The following OMA1 variants were observed in gnomAD, a reference collection of about 807,000 sequenced individuals.
OMA1 encodes metalloendopeptidase OMA1, mitochondrial.
In OMA1, 38 loss-of-function variants were observed where a neutral mutation model predicts 30.9. That is an observed-to-expected ratio of 1.23 (90% confidence interval 0.95 to 1.61). OMA1 has a LOEUF of 1.61. Among genes scored for constraint, OMA1 ranks in the 40% most tolerant of loss-of-function variants. OMA1 has a pLI of 0.00. For synonymous variants in OMA1, 173 were observed against 121.9 expected (o/e 1.42, Z -2.76); for missense variants, 461 against 349.2 (o/e 1.32, Z -2.55).
At chr1:58,513,633 G>T (rs1378594221) in intron 7 of OMA1, among the ~76,000 whole-genome samples, 1 of 152,120 alleles carries the variant, frequency 6.6e-6, no homozygotes, top group Non-Finnish European at 1.5e-5. Context: ...CTAAGATAAT[G>T]GAGAGACTAC....
rs753024437 is a variant in OMA1 at position 58,530,560 on chromosome 1, C to T, written c.1140+41G>A. 2.0e-5 allele frequency: 17 copies of T among 835,328 alleles called. No individual in the cohort carries two copies. In the East Asian group the frequency reaches 4.1e-4, roughly 20 times the overall value. The allele number at this position is 835,328 out of a possible 1,614,324, so 51.7% of individuals were successfully genotyped here. A position where few individuals can be genotyped will look rare whatever the true frequency, so the allele number is the denominator to read the frequency against. On this transcript the variant is annotated intron_variant, in intron 6 of 8. Transcript: ENST00000371226. Reference sequence around the variant, plus strand: ...TTACAGTAGTATTAAAATATCTTCACCAGAGGCTATGATCAATTCAAGTTA... The same window carrying T: ...TTACAGTAGTATTAAAATATCTTCATCAGAGGCTATGATCAATTCAAGTTA...
At chr1:58,513,291 A>C (rs183749233) in intron 7 of OMA1, among the ~76,000 whole-genome samples, 62 of 152,270 alleles carry the variant, frequency 4.1e-4, no homozygotes, top group South Asian at 1.9e-3. Flanking sequence ...CATGATTATA[A>C]GTTTCCTGAG....
intron 8 of OMA1, among the ~76,000 whole-genome samples, chr1:58,498,236 A>C (rs558733135): frequency 2.6e-5 from 4 of 151,860 alleles, no homozygotes; most frequent in Admixed American, 2.0e-4. Context: ...GGTAAAACTA[A>C]AAGTTAAAAA....
chr1:58,484,321 G>GT (rs1645538582), intron 8 of OMA1, among the ~76,000 whole-genome samples: 1 of 152,194 alleles, frequency 6.6e-6, no homozygotes, highest in South Asian at 2.1e-4. Flanking sequence ...GATATGTGAA[G>GT]TCTAACACCC....
chr1:58,531,571 ATGAC>A (rs1646434056), intron 5 of OMA1, among the ~76,000 whole-genome samples: 1 of 152,220 alleles, frequency 6.6e-6, no homozygotes, highest in South Asian at 2.1e-4. Flanking sequence ...TGTATGAAAA[ATGAC>A]TGAAAACTAA....
chr1:58,539,209 T>C lies in OMA1; in HGVS notation c.86A>G (p.Asn29Ser). The C allele has an allele frequency of 1.1e-6, 1 of 872,856 alleles. No homozygotes were observed. Among genetic ancestry groups the C allele is most frequent in the Non-Finnish European group, 2.0e-6 (1 of 501,668 alleles). The allele number at this position is 872,856 out of a possible 1,614,324, so 54.1% of individuals were successfully genotyped here. Residue 29 changes from asparagine to serine, a missense_variant, in exon 2 of 9, where the codon AAC becomes AGC. Transcript: ENST00000371226. Reference sequence around the variant, plus strand: ...GCCCCGTGAGGTGGATGCTAATGTGTTACATTTTCTCCAGTTAGACAGTGA... The same window carrying C: ...GCCCCGTGAGGTGGATGCTAATGTGCTACATTTTCTCCAGTTAGACAGTGA... ...FNSLSNWRKC[N>S]TLASTSRGCH... is the part of the protein sequence containing the mutation.
intron 7 of OMA1, among the ~76,000 whole-genome samples, chr1:58,519,832 A>G: frequency 6.6e-6 from 1 of 152,262 alleles, no homozygotes; most frequent in African/African-American, 2.4e-5. Context: ...AGTGAAATTT[A>G]TAAAAGAGCA....
intron 8 of OMA1, among the ~76,000 whole-genome samples, chr1:58,490,089 G>A (rs576967092): frequency 4.3e-4 from 66 of 152,370 alleles, no homozygotes; most frequent in African/African-American, 1.4e-3. Flanking sequence ...AAAGCTGGAC[G>A]CAGAATGACT....
intron 8 of OMA1, among the ~76,000 whole-genome samples, chr1:58,500,749 C>A (rs1645893319): frequency 6.6e-6 from 1 of 152,130 alleles, no homozygotes. Flanking sequence ...TCTCCATACC[C>A]TTCACCCAAC....
rs547551877 is a variant in OMA1 at position 58,523,915 on chromosome 1, A to G, written c.1215+3346T>C. ...CTCCATCTCAAAAAAAGAAAAAAAGAACTGGCAGCCTTTACTGGCAAGATA... is the reference window on the plus strand; with the variant it reads ...CTCCATCTCAAAAAAAGAAAAAAAGGACTGGCAGCCTTTACTGGCAAGATA... On this transcript the variant is annotated intron_variant, in intron 7 of 8. Transcript: ENST00000371226. Among the ~76,000 whole-genome samples the G allele has an allele frequency of 3.3e-5, 5 of 152,286 alleles. No homozygotes were observed. In the East Asian group the frequency reaches 9.6e-4, roughly 29 times the overall value.
At chr1:58,545,873 T>A (rs977187915) in intron 1 of OMA1, among the ~76,000 whole-genome samples, 2 of 152,194 alleles carry the variant, frequency 1.3e-5, no homozygotes, top group African/African-American at 4.8e-5. Flanking sequence ...TAAAAAAGAA[T>A]TGGACGGCAG....
intron 8 of OMA1, among the ~76,000 whole-genome samples, chr1:58,493,195 G>A (rs1645730972): frequency 1.3e-5 from 2 of 151,770 alleles, no homozygotes; most frequent in South Asian, 4.2e-4. Context: ...ATGCAGAAAA[G>A]GCCTTTGACA....
intron 1 of OMA1, among the ~76,000 whole-genome samples, chr1:58,545,671 A>G (rs1481594409): frequency 6.6e-6 from 1 of 152,244 alleles, no homozygotes; most frequent in Non-Finnish European, 1.5e-5. Context: ...TTCTTTAAGT[A>G]CCATCTCCGA....
At chr1:58,505,795 A>G (rs1051976851) in intron 8 of OMA1, among the ~76,000 whole-genome samples, 3 of 152,218 alleles carry the variant, frequency 2.0e-5, no homozygotes, top group Non-Finnish European at 4.4e-5. Flanking sequence ...TCATCAAGTC[A>G]GTTAAAATTA....
intron 1 of OMA1, among the ~76,000 whole-genome samples, chr1:58,544,029 G>C (rs1039631386): frequency 2.6e-5 from 4 of 152,170 alleles, no homozygotes; most frequent in Non-Finnish European, 5.9e-5. Context: ...GTGAATATCA[G>C]CAAAGTGATA....
intron 8 of OMA1, among the ~76,000 whole-genome samples, chr1:58,487,145 G>C (rs961624179): frequency 6.6e-6 from 1 of 152,222 alleles, no homozygotes; most frequent in Non-Finnish European, 1.5e-5. Context: ...AACTTGGGAG[G>C]AGATGATGGT....
At chr1:58,481,195 A>T (rs989743243) in intron 8 of OMA1, 21 bp from the exon 9 acceptor site, 4 of 750,412 alleles carry the variant, frequency 5.3e-6, no homozygotes, top group African/African-American at 1.8e-5. Context: ...ATAATAAAAT[A>T]AAAAAATACT....
intron 7 of OMA1, among the ~76,000 whole-genome samples, chr1:58,516,534 G>A (rs1474710816): frequency 3.9e-5 from 6 of 151,992 alleles, no homozygotes; most frequent in Admixed American, 1.3e-4. Context: ...TTTATATAAC[G>A]ACAAATGCCT....
intron 1 of OMA1, among the ~76,000 whole-genome samples, chr1:58,540,625 A>G (rs1181812767): frequency 1.3e-5 from 2 of 150,484 alleles, no homozygotes; most frequent in Non-Finnish European, 2.9e-5. Flanking sequence ...GACTAACAGC[A>G]GATTAACATT....
Sources: gnomAD v4.1 joint callset for allele counts (sites outside exome capture counted in the v4.1 genomes callset) on GRCh38, gnomAD v4.1.1 for gene constraint, MANE v1.5 for transcripts, NCBI Gene and HGNC (gene_info 2026-07-23, HGNC 2026-07-21) for gene names.